ATP2B2: variants seen among roughly 807,000 people sequenced by gnomAD.
ATP2B2 encodes the protein ATPase plasma membrane Ca2+ transporting 2, also known as plasma membrane calcium-transporting ATPase 2.
In ATP2B2, 15 loss-of-function variants were observed where a neutral mutation model predicts 120.0. That is an observed-to-expected ratio of 0.12 (90% CI 0.08 to 0.19). The LOEUF is 0.19. Ranked by LOEUF, ATP2B2 falls within the 10% of genes least tolerant of loss-of-function variation. The pLI, the probability that ATP2B2 is intolerant of heterozygous loss-of-function variation, is 1.00. For synonymous variants in ATP2B2, 694 were observed against 700.3 expected (o/e 0.99, Z 0.14); for missense variants, 1,045 against 1,719.8 (o/e 0.61, Z 6.94).
At chr3:10,471,388 G>GTGTGTGTGTC in intron 1 of ATP2B2, among the ~76,000 whole-genome samples, 1 of 119,546 alleles carries the variant, frequency 8.4e-6, no homozygotes, top group Non-Finnish European at 1.7e-5. Context: ...GTGTGTGTGT[G>GTGTGTGTGTC]TGTGTGTGTG....
intron 1 of ATP2B2, among the ~76,000 whole-genome samples, chr3:10,498,144 C>A (rs1348754617): frequency 1.3e-5 from 2 of 152,244 alleles, no homozygotes; most frequent in Non-Finnish European, 2.9e-5. Context: ...GGAATCCGCA[C>A]AGTTCAGTCT....
At chr3:10,500,950 A>C (rs2066360524) in intron 1 of ATP2B2, among the ~76,000 whole-genome samples, 1 of 152,054 alleles carries the variant, frequency 6.6e-6, no homozygotes, top group Non-Finnish European at 1.5e-5. Context: ...AGGATCACTG[A>C]CCCCTCTCAC....
intron 1 of ATP2B2, among the ~76,000 whole-genome samples, chr3:10,690,622 A>G (rs1344278232): frequency 2.0e-5 from 3 of 152,186 alleles, no homozygotes; most frequent in Admixed American, 6.5e-5. Flanking sequence ...CATGAGGCAG[A>G]TGCATAACAC....
chr3:10,486,615 C>A (rs1046844368), intron 1 of ATP2B2, among the ~76,000 whole-genome samples: 1 of 152,112 alleles, frequency 6.6e-6, no homozygotes, highest in East Asian at 1.9e-4. Flanking sequence ...TTGAACATCA[C>A]CTACTAGCAA....
intron 2 of ATP2B2, among the ~76,000 whole-genome samples, chr3:10,571,844 T>C (rs1351290211): frequency 2.0e-5 from 3 of 152,228 alleles, no homozygotes; most frequent in Admixed American, 6.5e-5. Context: ...TCTGGTGAGA[T>C]AGCAATTCCT....
chr3:10,670,566 C>T lies in ATP2B2; in HGVS notation c.-460+37349G>A, dbSNP rs190135148. Among the ~76,000 whole-genome samples the T allele has an allele frequency of 1.4e-3, 216 of 151,828 alleles. 1 individual carries two copies. Among genetic ancestry groups the T allele is most frequent in the African/African-American group, 4.4e-3 (182 of 41,302 alleles). ...AGGAGTAGCTGGGATTACAGGCGCC[C>T]GCCACCACACCTGGCTAATTTTTTT... On this transcript the variant is annotated intron_variant, in intron 1 of 21. Transcript: ENST00000646379.
At chr3:10,501,926 A>T (rs1242100264) in intron 1 of ATP2B2, among the ~76,000 whole-genome samples, 2 of 152,208 alleles carry the variant, frequency 1.3e-5, no homozygotes, top group Non-Finnish European at 2.9e-5. Context: ...GTGGAAATGT[A>T]GCCCCTGGGA....
At chr3:10,604,477 C>G (rs2069007621) in intron 2 of ATP2B2, among the ~76,000 whole-genome samples, 1 of 152,218 alleles carries the variant, frequency 6.6e-6, no homozygotes, top group African/African-American at 2.4e-5. Context: ...TGGGCCAGGT[C>G]TTGGCCCCCA....
At chr3:10,665,763 C>G (rs1008942626) in intron 1 of ATP2B2, among the ~76,000 whole-genome samples, 4 of 152,178 alleles carry the variant, frequency 2.6e-5, no homozygotes, top group African/African-American at 9.7e-5. Context: ...GGCATGGTGT[C>G]ACCTCTCATT....
intron 1 of ATP2B2, among the ~76,000 whole-genome samples, chr3:10,638,897 A>C (rs1330499744): frequency 6.6e-6 from 1 of 152,252 alleles, no homozygotes. Context: ...CCATTCATAA[A>C]GTGGAGATAG....
chr3:10,327,993 C>T lies in ATP2B2; in HGVS notation c.*821G>A, dbSNP rs966632795. ...CTTAAACCATACAAATAGCCAAAGA[C>T]GTTATCTACAGGTTTGTAAACAAAT... On this transcript the variant is annotated 3_prime_UTR_variant, in exon 23 of 23. Transcript: ENST00000360273. 6.6e-6 allele frequency: 1 copy of T among 152,526 alleles called. No individual in the cohort carries two copies. Among genetic ancestry groups the T allele is most frequent in the Non-Finnish European group, 1.5e-5 (1 of 68,024 alleles). The allele number at this position is 152,526 out of a possible 1,614,324, so 9.4% of individuals were successfully genotyped here. A position where few individuals can be genotyped will look rare whatever the true frequency, so the allele number is the denominator to read the frequency against.
At chr3:10,399,027 C>T (rs1326036234) in intron 5 of ATP2B2, among the ~76,000 whole-genome samples, 1 of 152,208 alleles carries the variant, frequency 6.6e-6, no homozygotes, top group Non-Finnish European at 1.5e-5. Context: ...GTTTGTGATG[C>T]TGTCAGGCCA....
chr3:10,352,110 A>G (rs995985884), intron 14 of ATP2B2, among the ~76,000 whole-genome samples: 1 of 152,222 alleles, frequency 6.6e-6, no homozygotes, highest in Admixed American at 6.5e-5. Flanking sequence ...GGTAAAAACA[A>G]GGAATCGGCC....
At chr3:10,686,043 C>CTTTTTTTTTTTTTTTTTTTTTTTT (rs34073958) in intron 1 of ATP2B2, among the ~76,000 whole-genome samples, 27 of 93,214 alleles carry the variant, frequency 2.9e-4, no homozygotes, top group African/African-American at 1.1e-3. Context: ...TTCCTCCTTT[C>CTTTTTTTTTTTTTTTTTTTTTTTT]TTTTTTTTTT....
intron 1 of ATP2B2, among the ~76,000 whole-genome samples, chr3:10,665,920 G>C (rs2070918738): frequency 6.6e-6 from 1 of 152,194 alleles, no homozygotes. Context: ...GAAAAACCTA[G>C]AGAGGGATTC....
intron 22 of ATP2B2, among the ~76,000 whole-genome samples, chr3:10,337,171 C>T (rs1173966354): frequency 6.6e-6 from 1 of 152,232 alleles, no homozygotes; most frequent in African/African-American, 2.4e-5. Flanking sequence ...TCACATCTAC[C>T]TCCCAGGGCT....
intron 12 of ATP2B2, among the ~76,000 whole-genome samples, chr3:10,364,752 AG>A (rs1393560733): frequency 2.6e-5 from 4 of 152,114 alleles, no homozygotes; most frequent in Non-Finnish European, 4.4e-5. Context: ...AAAATAAAAA[AG>A]CTCCCAAACG....
chr3:10,621,289 GA>G (rs553872562), intron 1 of ATP2B2, among the ~76,000 whole-genome samples: 183 of 152,264 alleles, frequency 1.2e-3, no homozygotes, highest in Admixed American at 5.9e-3. Context: ...AGTTCACAGA[GA>G]TCCAGGAGCA....
intron 9 of ATP2B2, 135 bp downstream of exon 9, chr3:10,379,108 C>T: frequency 9.3e-7 from 1 of 1,074,174 alleles, no homozygotes; most frequent in Non-Finnish European, 1.4e-6. Flanking sequence ...GCTACACCCC[C>T]AAGGTCGTCA....
Sources: gnomAD v4.1 joint callset for allele counts (sites outside exome capture counted in the v4.1 genomes callset) on GRCh38, gnomAD v4.1.1 for gene constraint, MANE v1.5 for transcripts, NCBI Gene and HGNC (gene_info 2026-07-23, HGNC 2026-07-21) for gene names.